The following ASB17 variants were observed in gnomAD, a reference collection of about 807,000 sequenced individuals.
The protein encoded by ASB17 is ankyrin repeat and SOCS box protein 17.
Under a neutral mutation model 25.7 loss-of-function variants are expected in ASB17, and 26 were observed. The ratio of observed to expected loss-of-function variants is 1.01; its 90% CI spans 0.74 to 1.40. The LOEUF is 1.40. Ranked by LOEUF, ASB17 falls within the 40% of genes most tolerant of loss-of-function variation. ASB17 has a pLI of 0.00. For synonymous variants in ASB17, 128 were observed against 121.4 expected (o/e 1.05, Z -0.36); for missense variants, 326 against 338.5 (o/e 0.96, Z 0.29).
At chr1:75,929,389 TA>T (rs1242157133) in intron 1 of ASB17, among the ~76,000 whole-genome samples, 2 of 107,980 alleles carry the variant, frequency 1.9e-5, no homozygotes, top group Non-Finnish European at 3.9e-5. Context: ...TGCGCCCAGC[TA>T]ATTTTTTTTT....
chr1:75,921,280 A>G (rs1164289627), intron 2 of ASB17, among the ~76,000 whole-genome samples: 1 of 152,204 alleles, frequency 6.6e-6, no homozygotes, highest in Non-Finnish European at 1.5e-5. Flanking sequence ...TGGCTCAGAC[A>G]TTCATATTCA....
chr1:75,928,098 A>G (rs1353140130), intron 1 of ASB17, among the ~76,000 whole-genome samples: 1 of 152,172 alleles, frequency 6.6e-6, no homozygotes, highest in African/African-American at 2.4e-5. Context: ...TCAGTTTAAG[A>G]CATCACCTAT....
chr1:75,919,338 G>A (rs1322040683), intron 2 of ASB17, among the ~76,000 whole-genome samples, 180 bp from the exon 3 acceptor site: 1 of 151,596 alleles, frequency 6.6e-6, no homozygotes, highest in African/African-American at 2.4e-5. Flanking sequence ...TTTTTCCACA[G>A]GGATAAACTT....
At position 75,932,023 on chromosome 1, in the gene ASB17, G is replaced by A; in HGVS notation, c.269C>T (p.Thr90Ile). 1.2e-6 allele frequency: 2 copies of A among 1,614,094 alleles called. No homozygotes were observed. Among genetic ancestry groups the A allele is most frequent in the South Asian group, 1.1e-5 (1 of 91,076 alleles). ...CAGAATTGTATTCACACATATTTCA[G>A]TGAAGTCGAGGTTAAAACTTACTTC... ...RFEVSFNLDF[T>I]EICVNTILYW... Residue 90 changes from threonine (T) to isoleucine (I), a missense_variant, in exon 1 of 3, where the codon ACT becomes ATT. Coordinates refer to ENST00000284142, the MANE Select transcript of ASB17 (RefSeq NM_080868.3).
Position 75,932,251 on chromosome 1 carries a change from G to A in ASB17, c.41C>T (p.Pro14Leu). ...GAGATTGCAGAATATATTGCTTCTTGGACAAGAAGTCTTACCACATAATTT... is the reference window on the plus strand; with the variant it reads ...GAGATTGCAGAATATATTGCTTCTTAGACAAGAAGTCTTACCACATAATTT... ...STKLCGKTSC[P>L]RSNIFCNLLD... The change falls in exon 1 of 3, where the codon CCA (proline) becomes CTA (leucine). Residue 14 changes from proline (P) to leucine (L), a missense_variant. Physicochemically the swap from Pro to Leu is moderately conservative, Grantham distance 98 (BLOSUM62 -3). Transcript: ENST00000284142. The A allele has an allele frequency of 6.2e-7, 1 of 1,612,772 alleles. No homozygotes were observed. Among genetic ancestry groups the A allele is most frequent in the South Asian group, 1.1e-5 (1 of 90,754 alleles).
intron 1 of ASB17, among the ~76,000 whole-genome samples, chr1:75,930,562 T>C (rs552673682): frequency 3.9e-5 from 6 of 152,038 alleles, no homozygotes; most frequent in Non-Finnish European, 7.4e-5. Flanking sequence ...TTCTGAGAGG[T>C]CTAAGTGATG....
At position 75,924,785 on chromosome 1, in the gene ASB17, T is replaced by C. The variant is rs1365041206; in HGVS notation, c.402-2426A>G. On this transcript the variant is annotated intron_variant, in intron 1 of 2. Transcript: ENST00000284142. ...ATCCAGGTCTTTCACATTTCTTTAC[T>C]TTGTATATGTTCTTCTCCCCTGCCT... 2.6e-5 allele frequency among the ~76,000 whole-genome samples: 4 copies of C among 152,082 alleles called. No individual in the cohort carries two copies. In the East Asian group the frequency reaches 7.7e-4, roughly 29 times the overall value.
chr1:75,919,395 T>A (rs1275271044), intron 2 of ASB17, among the ~76,000 whole-genome samples: 2 of 152,056 alleles, frequency 1.3e-5, no homozygotes, highest in Non-Finnish European at 2.9e-5. Flanking sequence ...TTTTTTTTTT[T>A]ATTATTATAC....
At chr1:75,919,737 T>C (rs1358249426) in intron 2 of ASB17, among the ~76,000 whole-genome samples, 1 of 152,224 alleles carries the variant, frequency 6.6e-6, no homozygotes, top group Non-Finnish European at 1.5e-5. Context: ...TATGGCTGCA[T>C]AGTATTCCAT....
rs114757401 is a variant in ASB17, at chr1:75,927,472, T to A, written c.401+4419A>T. The stretch of plus-strand genomic sequence containing the variant: ...CTTTCTCCCACTGCTACTGTTTTAG[T>A]TTAAGTTCTCATAATTTGCCTGGAC... On this transcript the variant is annotated intron_variant, in intron 1 of 2. Transcript: ENST00000284142. Among the ~76,000 whole-genome samples the A allele has an allele frequency of 7.0e-3, 1,073 of 152,254 alleles. 13 individuals carry two copies. Among genetic ancestry groups the A allele is most frequent in the African/African-American group, 0.025 (1,018 of 41,546 alleles).
chr1:75,924,273 C>A (rs1181424695), intron 1 of ASB17, among the ~76,000 whole-genome samples: 4 of 152,010 alleles, frequency 2.6e-5, no homozygotes, highest in Non-Finnish European at 5.9e-5. Flanking sequence ...TCTGACAAAA[C>A]TAAGAAAAAA....
chr1:75,929,255 C>T (rs1378249247), intron 1 of ASB17, among the ~76,000 whole-genome samples: 1 of 151,488 alleles, frequency 6.6e-6, no homozygotes, highest in Non-Finnish European at 1.5e-5. Context: ...GACGGATTCT[C>T]GCTCTGTCGC....
chr1:75,919,086 C>G lies in ASB17; in HGVS notation c.754G>C (p.Asp252His). Residue 252 changes from aspartate to histidine, a missense_variant, in exon 3 of 3, where the codon GAT becomes CAT. Transcript: ENST00000284142. ...CAAAGATGTAATAGTTCACATGGAT[C>G]TTTGTATCTTGTTGAAGGAATGTAA... The part of the protein sequence containing the change: ...FDYIPSTRYK[D>H]PCELLHLCRL... 6.2e-7 allele frequency: 1 copy of G among 1,612,762 alleles called. No homozygotes were observed. The highest frequency in any genetic ancestry group is 8.5e-7 in the Non-Finnish European group (1 of 1,179,106).
At chr1:75,923,248 C>T (rs571725339) in intron 1 of ASB17, among the ~76,000 whole-genome samples, 1 of 152,024 alleles carries the variant, frequency 6.6e-6, no homozygotes, top group Non-Finnish European at 1.5e-5. Context: ...ATAGTGAGAA[C>T]CATATCAGGT....
At chr1:75,929,930 G>A (rs1474337757) in intron 1 of ASB17, among the ~76,000 whole-genome samples, 2 of 150,848 alleles carry the variant, frequency 1.3e-5, no homozygotes, top group African/African-American at 2.4e-5. Context: ...GCTGTTAATC[G>A]GGGGTTGGGG....
chr1:75,920,161 A>G (rs1283852040), intron 2 of ASB17, among the ~76,000 whole-genome samples: 1 of 152,214 alleles, frequency 6.6e-6, no homozygotes, highest in Non-Finnish European at 1.5e-5. Context: ...CAACCATTGT[A>G]GAGTAAAGCT....
intron 1 of ASB17, among the ~76,000 whole-genome samples, chr1:75,924,138 A>C (rs951641504): frequency 6.6e-6 from 1 of 152,098 alleles, no homozygotes; most frequent in Non-Finnish European, 1.5e-5. Flanking sequence ...TTTCCAATAA[A>C]AAGATTCAAA....
rs778322729 is a variant in ASB17, at chr1:75,932,158, G to T, written c.134C>A (p.Pro45Gln). 2 of 1,614,070 alleles carry T rather than the reference G, an allele frequency of 1.2e-6. No individual in the cohort carries two copies. The highest frequency in any genetic ancestry group is 1.7e-5 in the Admixed American group (1 of 60,016). Residue 45 changes from proline (P) to glutamine (Q), a missense_variant, in exon 1 of 3, where the codon CCA becomes CAA. By Grantham distance (76) the Pro-to-Gln change is moderately conservative. Coordinates refer to ENST00000284142, the MANE Select transcript of ASB17 (RefSeq NM_080868.3). Reference sequence around the variant, plus strand: ...TTTTGCCAGTGATCTGTAAATCCTTGGTTCGTAACAGTGATATCCCCACTG... The same window carrying T: ...TTTTGCCAGTGATCTGTAAATCCTTTGTTCGTAACAGTGATATCCCCACTG... ...LGQWGYHCYE[P>Q]RIYRSLAKIL...
chr1:75,928,161 C>T (rs1653224056), intron 1 of ASB17, among the ~76,000 whole-genome samples: 1 of 152,196 alleles, frequency 6.6e-6, no homozygotes, highest in South Asian at 2.1e-4. Context: ...TAACAATTTC[C>T]TTCTCTGCTC....
Sources: gnomAD v4.1 joint callset for allele counts (sites outside exome capture counted in the v4.1 genomes callset) on GRCh38, gnomAD v4.1.1 for gene constraint, MANE v1.5 for transcripts, NCBI Gene and HGNC (gene_info 2026-07-23, HGNC 2026-07-21) for gene names.